FCHSD2: variants seen among roughly 807,000 people sequenced by gnomAD.
FCHSD2 encodes FCH and double SH3 domains 2.
FCHSD2 carries 38 observed loss-of-function variants against 108.1 expected under a neutral mutation model. The observed-to-expected ratio is 0.35, with a 90% CI of 0.27 to 0.46. FCHSD2 has a LOEUF of 0.46. Ranked by LOEUF, FCHSD2 falls within the 20% of genes least tolerant of loss-of-function variation. The pLI is 1.00. For missense variants in FCHSD2, 751 were observed against 897.8 expected (o/e 0.84, Z 2.09); for synonymous variants, 279 against 314.7 (o/e 0.89, Z 1.20).
chr11:73,133,214 T>C (rs1005988120), intron 2 of FCHSD2, among the ~76,000 whole-genome samples: 1 of 152,222 alleles, frequency 6.6e-6, no homozygotes, highest in African/African-American at 2.4e-5. Flanking sequence ...GTTTGAAAGT[T>C]CCTCAAAAAG....
chr11:72,992,517 G>A (rs1292453911), intron 5 of FCHSD2, among the ~76,000 whole-genome samples: 1 of 152,120 alleles, frequency 6.6e-6, no homozygotes, highest in Non-Finnish European at 1.5e-5. Context: ...ATACTACAAG[G>A]CTACGGTAAC....
At chr11:72,855,698 T>C (rs1861411215) in intron 13 of FCHSD2, among the ~76,000 whole-genome samples, 1 of 152,222 alleles carries the variant, frequency 6.6e-6, no homozygotes. Flanking sequence ...TAAAAGGCAT[T>C]TATTAATTGA....
rs140545626 is a variant in FCHSD2, at chr11:73,118,147, C to T, written c.119+21884G>A. Among the ~76,000 whole-genome samples the T allele has an allele frequency of 3.5e-4, 53 of 152,188 alleles. No individual in the cohort carries two copies. The East Asian group carries it at 0.01, about 29-fold the overall frequency. ...CAGCCTGGCCAACATGGTAACACCC[C>T]ATCTCTACTAAAAATATAAAAATTA... is the stretch of plus-strand genomic sequence containing the variant. On this transcript the variant is annotated intron_variant, in intron 2 of 19. Coordinates refer to ENST00000409418, the MANE Select transcript of FCHSD2 (RefSeq NM_014824.3).
intron 8 of FCHSD2, among the ~76,000 whole-genome samples, chr11:72,952,829 A>C (rs1028982726): frequency 2.0e-5 from 3 of 152,220 alleles, no homozygotes; most frequent in African/African-American, 7.2e-5. Flanking sequence ...CCACAGGTGA[A>C]GAAACAGGAT....
At chr11:73,025,878 T>C (rs927426381) in intron 3 of FCHSD2, among the ~76,000 whole-genome samples, 1 of 152,144 alleles carries the variant, frequency 6.6e-6, no homozygotes, top group African/African-American at 2.4e-5. Flanking sequence ...CCCGTAACCA[T>C]CCACATATAC....
At chr11:72,870,066 G>A (rs559988151) in intron 12 of FCHSD2, among the ~76,000 whole-genome samples, 5 of 152,068 alleles carry the variant, frequency 3.3e-5, no homozygotes, top group South Asian at 4.2e-4. Context: ...ATGTGCTTGC[G>A]TGCCTGTGTG....
chr11:73,037,212 A>G (rs1295670637), intron 3 of FCHSD2, among the ~76,000 whole-genome samples: 1 of 152,186 alleles, frequency 6.6e-6, no homozygotes, highest in African/African-American at 2.4e-5. Flanking sequence ...CCACACATGC[A>G]TAGCCTCCCC....
At chr11:72,924,545 G>C (rs1286386501) in intron 8 of FCHSD2, among the ~76,000 whole-genome samples, 1 of 151,236 alleles carries the variant, frequency 6.6e-6, no homozygotes, top group Non-Finnish European at 1.5e-5. Context: ...GCCTCCCAAA[G>C]TGCTGGGATT....
intron 3 of FCHSD2, among the ~76,000 whole-genome samples, chr11:73,029,834 A>G (rs974126792): frequency 1.3e-5 from 2 of 152,238 alleles, no homozygotes; most frequent in African/African-American, 4.8e-5. Flanking sequence ...AGAGAAAGGC[A>G]CAGGCTCAGA....
intron 8 of FCHSD2, among the ~76,000 whole-genome samples, chr11:72,942,496 T>C (rs1271792632): frequency 6.6e-6 from 1 of 152,198 alleles, no homozygotes; most frequent in East Asian, 1.9e-4. Flanking sequence ...TGTATAACAA[T>C]TTTGAAACAT....
At chr11:72,873,566 T>C (rs1854908031) in intron 12 of FCHSD2, among the ~76,000 whole-genome samples, 1 of 152,186 alleles carries the variant, frequency 6.6e-6, no homozygotes, top group Admixed American at 6.6e-5. Flanking sequence ...ATTTGAAACA[T>C]GAAAGTTTTA....
chr11:72,868,402 T>G (rs1257331745), intron 12 of FCHSD2, among the ~76,000 whole-genome samples: 1 of 152,144 alleles, frequency 6.6e-6, no homozygotes, highest in Non-Finnish European at 1.5e-5. Flanking sequence ...CTAATGGAGC[T>G]GGGCTTAATA....
chr11:72,970,140 T>C (rs1314132531), intron 8 of FCHSD2, among the ~76,000 whole-genome samples: 2 of 152,182 alleles, frequency 1.3e-5, no homozygotes, highest in East Asian at 3.9e-4. Flanking sequence ...AAATGACTGA[T>C]AAAGCAAGAA....
chr11:73,089,458 A>C (rs1859901399), intron 2 of FCHSD2, among the ~76,000 whole-genome samples: 1 of 152,204 alleles, frequency 6.6e-6, no homozygotes, highest in Non-Finnish European at 1.5e-5. Flanking sequence ...CTTAAAACAC[A>C]TGTCCACACA....
chr11:72,850,842 C>T (rs1328554314), intron 13 of FCHSD2, among the ~76,000 whole-genome samples: 2 of 151,766 alleles, frequency 1.3e-5, no homozygotes, highest in Non-Finnish European at 2.9e-5. Context: ...GTAATCCAAG[C>T]ACTTTGGGAG....
intron 6 of FCHSD2, among the ~76,000 whole-genome samples, chr11:72,987,500 T>C (rs1023528485): frequency 3.3e-5 from 5 of 152,212 alleles, no homozygotes; most frequent in African/African-American, 1.2e-4. Flanking sequence ...ACTCACCATA[T>C]CCAATATAAA....
At chr11:73,088,118 CT>C (rs1859866406) in intron 2 of FCHSD2, among the ~76,000 whole-genome samples, 1 of 152,190 alleles carries the variant, frequency 6.6e-6, no homozygotes, top group South Asian at 2.1e-4. Flanking sequence ...AGCAATCCTT[CT>C]GCCTTGCCCT....
intron 10 of FCHSD2, among the ~76,000 whole-genome samples, chr11:72,899,382 C>T (rs1207458012): frequency 6.6e-6 from 1 of 152,026 alleles, no homozygotes; most frequent in Non-Finnish European, 1.5e-5. Flanking sequence ...CTAATACACT[C>T]ATGAAGATAC....
intron 8 of FCHSD2, among the ~76,000 whole-genome samples, chr11:72,963,033 T>G (rs952887198): frequency 6.6e-6 from 1 of 152,092 alleles, no homozygotes; most frequent in Admixed American, 6.5e-5. Context: ...GTTACCTCTT[T>G]GGTAAAAGAG....
Sources: gnomAD v4.1 joint callset for allele counts (sites outside exome capture counted in the v4.1 genomes callset) on GRCh38, gnomAD v4.1.1 for gene constraint, MANE v1.5 for transcripts, NCBI Gene and HGNC (gene_info 2026-07-23, HGNC 2026-07-21) for gene names.